The following WSCD1 variants were observed in gnomAD, a reference collection of about 807,000 sequenced individuals.
WSCD1 encodes the protein sialate:O-sulfotransferase 1.
A neutral mutation model predicts 60.4 loss-of-function variants in WSCD1; 41 were observed. The observed-to-expected ratio is 0.68, with a 90% CI of 0.53 to 0.88. The LOEUF (loss-of-function observed/expected upper bound fraction) is 0.88, where lower values mean the gene tolerates loss of function less well. Ranked by LOEUF, WSCD1 falls within the 40% of genes least tolerant of loss-of-function variation. The pLI, the probability that WSCD1 is intolerant of heterozygous loss-of-function variation, is 0.00. For missense variants in WSCD1, 784 were observed against 796.2 expected (o/e 0.98, Z 0.18); for synonymous variants, 361 against 332.5 (o/e 1.09, Z -0.93).
rs1207968466 is a variant in WSCD1 at position 6,070,490 on chromosome 17, G to C, written c.-451G>C. ...CAGCCCCGGGGAGCCAGGCGGCGGC[G>C]CCCTGTGCCCGGGCGCGTGGGTCCG... On this transcript the variant is annotated 5_prime_UTR_variant, in exon 1 of 9. Coordinates refer to ENST00000317744, the MANE Select transcript of WSCD1 (RefSeq NM_015253.2). 4.1e-5 allele frequency: 6 copies of C among 147,220 alleles called. No homozygotes were observed. The highest frequency in any genetic ancestry group is 2.0e-4 in the Admixed American group (3 of 14,808). The allele number at this position is 147,220 out of a possible 1,614,324, so 9.1% of individuals were successfully genotyped here.
rs979786492 is a variant in WSCD1, at chr17:6,080,157, G to A, written c.-288-214G>A. Reference sequence around the variant, plus strand: ...GAGCTGTTGTCCCCATTTTACAGATGGGGAAGCTGAGGCCCAGCAAGGTTA... The same window carrying A: ...GAGCTGTTGTCCCCATTTTACAGATAGGGAAGCTGAGGCCCAGCAAGGTTA... On this transcript the variant is annotated intron_variant, in intron 1 of 8. Transcript: ENST00000317744. The surrounding 1 kb of genome is among the most constrained non-coding windows in gnomAD (Gnocchi z 6.6). The A allele has an allele frequency of 6.2e-6, 1 of 160,348 alleles. No homozygotes were observed. Among genetic ancestry groups the A allele is most frequent in the African/African-American group, 2.4e-5 (1 of 41,526 alleles). The allele number at this position is 160,348 out of a possible 1,614,324, so 9.9% of individuals were successfully genotyped here. A position where few individuals can be genotyped will look rare whatever the true frequency, so the allele number is the denominator to read the frequency against.
rs1555525696 is a variant in WSCD1 at position 6,070,409 on chromosome 17, T to TGCCCGCCCCGGCTCCGCGCCCGCCC, written c.-521_-497dup. 1 of 145,664 alleles carries TGCCCGCCCCGGCTCCGCGCCCGCCC rather than the reference T, an allele frequency of 6.9e-6. No individual in the cohort carries two copies. Among genetic ancestry groups the TGCCCGCCCCGGCTCCGCGCCCGCCC allele is most frequent in the African/African-American group, 2.5e-5 (1 of 40,368 alleles). The allele number at this position is 145,664 out of a possible 1,614,324, so 9.0% of individuals were successfully genotyped here. A position where few individuals can be genotyped will look rare whatever the true frequency, so the allele number is the denominator to read the frequency against. ...GCCCGGCGCCCGCTCGCCCGCCCGC[T>TGCCCGCCCCGGCTCCGCGCCCGCCC]GCCCGCCCCGGCTCCGCGCCCGCCC... is the stretch of plus-strand genomic sequence containing the variant. On this transcript the variant is annotated 5_prime_UTR_variant, in exon 1 of 9. Transcript: ENST00000317744.
intron 2 of WSCD1, among the ~76,000 whole-genome samples, chr17:6,085,972 C>T (rs993984420): frequency 3.3e-5 from 5 of 152,014 alleles, no homozygotes; most frequent in Non-Finnish European, 7.4e-5. Context: ...TGCCTGTGGG[C>T]GTGGCCATGT....
intron 1 of WSCD1, chr17:6,077,932 A>AT (rs1567548762): frequency 6.6e-6 from 1 of 152,224 alleles, no homozygotes; most frequent in Non-Finnish European, 1.5e-5. Context: ...AAAGGATGAC[A>AT]TAAAGCTCAG....
chr17:6,121,581 G>T lies in WSCD1; in HGVS notation c.*920G>T, dbSNP rs909675307. The stretch of plus-strand genomic sequence containing the variant: ...CATGGGGGCGTGGGGAAGAGGGCAG[G>T]AGCTGAAGTTCCAGGGGAGCCCAGG... On this transcript the variant is annotated 3_prime_UTR_variant, in exon 9 of 9. Coordinates refer to ENST00000317744, the MANE Select transcript of WSCD1 (RefSeq NM_015253.2). 2 of 152,408 alleles carry T rather than the reference G, an allele frequency of 1.3e-5. No individual in the cohort carries two copies. Among genetic ancestry groups the T allele is most frequent in the African/African-American group, 4.8e-5 (2 of 41,454 alleles). 9.4% of individuals were successfully genotyped at this position (152,408 alleles called of 1,614,324 possible). A position where few individuals can be genotyped will look rare whatever the true frequency, so the allele number is the denominator to read the frequency against.
At chr17:6,083,788 A>G (rs12451172) in intron 2 of WSCD1, among the ~76,000 whole-genome samples, 86,150 of 151,806 alleles carry the variant, frequency 0.57, 25,241 homozygotes, top group Non-Finnish European at 0.63. Flanking sequence ...CAAAAAATAT[A>G]TATAATAATA....
At position 6,118,543 on chromosome 17, in the gene WSCD1, CA is replaced by C. The variant is rs1904443931; in HGVS notation, c.1375+356del. ...CTCATGCAGGGCTGGGAGAAGAGCA[CA>C]TGGGGTGCACATGGACCTGCTTTGC... On this transcript the variant is annotated intron_variant, in intron 8 of 8. Coordinates refer to ENST00000317744, the MANE Select transcript of WSCD1 (RefSeq NM_015253.2). The surrounding 1 kb of genome is among the most constrained non-coding windows in gnomAD (Gnocchi z 5.8). Among the ~76,000 whole-genome samples the C allele has an allele frequency of 6.6e-6, 1 of 152,212 alleles. No individual in the cohort carries two copies. The highest frequency in any genetic ancestry group is 2.4e-5 in the African/African-American group (1 of 41,452).
intron 7 of WSCD1, among the ~76,000 whole-genome samples, chr17:6,113,493 A>G (rs1911521242): frequency 1.3e-5 from 2 of 152,348 alleles, no homozygotes. Flanking sequence ...AAAATTAGAC[A>G]AGTGGTATTA....
chr17:6,124,404 T>C lies in WSCD1; in HGVS notation c.*3743T>C, dbSNP rs553433791. ...TCTGGACTTTTTTTGTTATATGAGCTAATAAATTCTGTTTATTGTTTAAGT... is the reference window on the plus strand; with the variant it reads ...TCTGGACTTTTTTTGTTATATGAGCCAATAAATTCTGTTTATTGTTTAAGT... On this transcript the variant is annotated 3_prime_UTR_variant, in exon 9 of 9. Transcript: ENST00000317744. 6.6e-6 allele frequency: 1 copy of C among 152,376 alleles called. No individual in the cohort carries two copies. The highest frequency in any genetic ancestry group is 2.1e-4 in the South Asian group (1 of 4,832). 9.4% of individuals were successfully genotyped at this position (152,376 alleles called of 1,614,324 possible).
At chr17:6,078,971 C>T (rs1177629236) in intron 1 of WSCD1, among the ~76,000 whole-genome samples, 1 of 152,198 alleles carries the variant, frequency 6.6e-6, no homozygotes, top group Non-Finnish European at 1.5e-5. Flanking sequence ...TGCAATTTCC[C>T]AGCCCAGAGT....
intron 1 of WSCD1, among the ~76,000 whole-genome samples, chr17:6,074,129 C>T (rs1007113399): frequency 3.9e-5 from 6 of 152,298 alleles, no homozygotes; most frequent in Middle Eastern, 3.4e-3. Context: ...AGAGGTTTCC[C>T]TCCTTTGTGT....
At position 6,088,408 on chromosome 17, in the gene WSCD1, G is replaced by T. The variant is rs567156797; in HGVS notation, c.542+304G>T. Among the ~76,000 whole-genome samples the T allele has an allele frequency of 9.9e-5, 15 of 152,252 alleles. No homozygotes were observed. The East Asian group carries it at 2.9e-3, about 29-fold the overall frequency. On this transcript the variant is annotated intron_variant, in intron 3 of 8. Transcript: ENST00000317744. The stretch of plus-strand genomic sequence containing the variant: ...TGGGTGCAGGGAGATGCGACTTCCA[G>T]TCCAGCCATAGCAGGGACTCAGCGT...
At position 6,080,634 on chromosome 17, in the gene WSCD1, G is replaced by A; in HGVS notation, c.-25G>A. ...CGCTAGGAGCCATCCCGGGGCTCCA[G>A]CCAGGAGCCCTGCTGCCCAGGGGCA... On this transcript the variant is annotated 5_prime_UTR_variant, in exon 2 of 9. Coordinates refer to ENST00000317744, the MANE Select transcript of WSCD1 (RefSeq NM_015253.2). The surrounding 1 kb of genome is among the most constrained non-coding windows in gnomAD (Gnocchi z 6.6). 6.2e-7 allele frequency: 1 copy of A among 1,611,270 alleles called. No homozygotes were observed. Among genetic ancestry groups the A allele is most frequent in the Non-Finnish European group, 8.5e-7 (1 of 1,179,296 alleles).
At chr17:6,078,460 G>A (rs957589153) in intron 1 of WSCD1, among the ~76,000 whole-genome samples, 1 of 152,208 alleles carries the variant, frequency 6.6e-6, no homozygotes, top group Non-Finnish European at 1.5e-5. Context: ...TTTGATAAGT[G>A]AAGAGGAAGG....
At chr17:6,097,342 G>A (rs748916145) in intron 5 of WSCD1, among the ~76,000 whole-genome samples, 16 of 152,378 alleles carry the variant, frequency 1.1e-4, no homozygotes, top group Non-Finnish European at 1.6e-4. Flanking sequence ...GCATAGCAGG[G>A]AAGCCTTCCT....
chr17:6,097,220 GA>G (rs1454377213), intron 5 of WSCD1, among the ~76,000 whole-genome samples: 1 of 152,268 alleles, frequency 6.6e-6, no homozygotes, highest in Non-Finnish European at 1.5e-5. Context: ...AGAAGATGAG[GA>G]GGAAGAGAAG....
In WSCD1 at chr17:6,118,219, G is replaced by A. The variant is rs1417147745; in HGVS notation, c.1375+31G>A. On this transcript the variant is annotated intron_variant, in intron 8 of 8. Coordinates refer to ENST00000317744, the MANE Select transcript of WSCD1 (RefSeq NM_015253.2). This position sits in a 1 kb window ranked among gnomAD's most constrained non-coding sequence, Gnocchi z 5.8. Reference sequence around the variant, plus strand: ...CAAGGACCTTGCGGTGGGGGTGGGAGGCTTGTCAGTACAGGTAGGTTGCTC... The same window carrying A: ...CAAGGACCTTGCGGTGGGGGTGGGAAGCTTGTCAGTACAGGTAGGTTGCTC... 6.2e-7 allele frequency: 1 copy of A among 1,609,950 alleles called. No individual in the cohort carries two copies. The highest frequency in any genetic ancestry group is 1.7e-5 in the Admixed American group (1 of 59,764).
intron 5 of WSCD1, among the ~76,000 whole-genome samples, chr17:6,108,038 A>G (rs374931614): frequency 3.3e-5 from 5 of 152,138 alleles, no homozygotes; most frequent in African/African-American, 9.6e-5. Context: ...GCTGCTTGGC[A>G]CCTAGGAGAG....
chr17:6,117,924 C>A, intron 7 of WSCD1, 64 bp from the exon 8 acceptor site: 1 of 1,547,108 alleles, frequency 6.5e-7, no homozygotes, highest in Non-Finnish European at 8.9e-7. Context: ...AATCTGTCTG[C>A]TGCTATGGTA....
Sources: gnomAD v4.1 joint callset for allele counts (sites outside exome capture counted in the v4.1 genomes callset) on GRCh38, gnomAD v4.1.1 for gene constraint, Gnocchi (gnomAD v3.1) non-coding constraint, MANE v1.5 for transcripts, NCBI Gene and HGNC (gene_info 2026-07-23, HGNC 2026-07-21) for gene names.